The following UBE2K variants were observed in gnomAD, a reference collection of about 807,000 sequenced individuals.
UBE2K encodes ubiquitin conjugating enzyme E2 K.
UBE2K carries 6 observed loss-of-function variants against 30.0 expected under a neutral mutation model. That is an observed-to-expected ratio of 0.20 (90% confidence interval 0.11 to 0.39). UBE2K has a LOEUF of 0.39. Among genes scored for constraint, UBE2K ranks in the 10% least tolerant of loss-of-function variants. The probability of loss-of-function intolerance (pLI) is 1.00; values close to 1 mark genes in which losing one functional copy is unlikely to be tolerated. For missense variants in UBE2K, 61 were observed against 241.6 expected (o/e 0.25, Z 4.96); for synonymous variants, 86 against 83.7 (o/e 1.03, Z -0.15).
At position 39,742,184 on chromosome 4, in the gene UBE2K, G is replaced by GA. The variant is rs199982736; in HGVS notation, c.158-3558dup. 2.8e-3 allele frequency among the ~76,000 whole-genome samples: 414 copies of GA among 148,896 alleles called. 5 individuals carry two copies. The highest frequency in any genetic ancestry group is 0.01 in the Middle Eastern group (3 of 288). ...GATGGTTTAATCTGGAGTTTAATCA[G>GA]AAAAAAAAAATTCTTAGGAAGGAAA... On this transcript the variant is annotated intron_variant, in intron 2 of 6. Coordinates refer to ENST00000261427, the MANE Select transcript of UBE2K (RefSeq NM_005339.5).
chr4:39,705,600 C>CAA (rs1270202009), intron 1 of UBE2K, among the ~76,000 whole-genome samples: 1 of 152,022 alleles, frequency 6.6e-6, no homozygotes, highest in Non-Finnish European at 1.5e-5. Flanking sequence ...ACAGGGCAGA[C>CAA]AAAGGATAGA....
rs548232601 is a variant in UBE2K, at chr4:39,782,703, A to T, written c.*4269A>T. 57 of 152,326 alleles carry T rather than the reference A, an allele frequency of 3.7e-4. No individual in the cohort carries two copies. The highest frequency in any genetic ancestry group is 1.0e-3 in the African/African-American group (42 of 41,564). 9.4% of individuals were successfully genotyped at this position (152,326 alleles called of 1,614,324 possible). On this transcript the variant is annotated 3_prime_UTR_variant, in exon 7 of 7. Coordinates refer to ENST00000261427, the MANE Select transcript of UBE2K (RefSeq NM_005339.5). ...CACTTTTGTACACAACTGATTTTTT[A>T]AAAAATAAACACATTTTTAAAGATG...
intron 1 of UBE2K, among the ~76,000 whole-genome samples, chr4:39,718,822 A>G (rs917270229): frequency 1.3e-5 from 2 of 152,206 alleles, no homozygotes; most frequent in African/African-American, 4.8e-5. Flanking sequence ...GCCCACGCCC[A>G]CCTGGAAATC....
intron 1 of UBE2K, among the ~76,000 whole-genome samples, chr4:39,699,398 C>T (rs911675987): frequency 1.3e-5 from 2 of 152,154 alleles, no homozygotes; most frequent in Non-Finnish European, 2.9e-5. Context: ...TTTATCACGA[C>T]TTAACAGATT....
chr4:39,760,905 A>G (rs1711897659), intron 4 of UBE2K: 1 of 152,224 alleles, frequency 6.6e-6, no homozygotes, highest in African/African-American at 2.4e-5. Context: ...ATTTTTATCC[A>G]GGCGGTGGTT....
intron 1 of UBE2K, among the ~76,000 whole-genome samples, chr4:39,700,069 A>G (rs1717922231): frequency 6.6e-6 from 1 of 152,164 alleles, no homozygotes; most frequent in Admixed American, 6.5e-5. Context: ...ATAAGGTTGT[A>G]CAAGCCTGAA....
intron 1 of UBE2K, among the ~76,000 whole-genome samples, chr4:39,707,508 T>C (rs1454175940): frequency 6.7e-6 from 1 of 149,856 alleles, no homozygotes; most frequent in East Asian, 2.0e-4. Context: ...CCTGTATGAC[T>C]GTATGAGGGA....
intron 1 of UBE2K, among the ~76,000 whole-genome samples, chr4:39,713,556 T>TA (rs55869843): frequency 1.3e-5 from 2 of 151,788 alleles, no homozygotes; most frequent in African/African-American, 2.4e-5. Context: ...TGCTTTTTTT[T>TA]AAGTTGTAGT....
chr4:39,746,895 G>A (rs994758120), intron 3 of UBE2K, among the ~76,000 whole-genome samples: 1 of 152,148 alleles, frequency 6.6e-6, no homozygotes. Context: ...TCCAACTCAT[G>A]TATTATTTTG....
chr4:39,718,308 C>G (rs1719219083), intron 1 of UBE2K, among the ~76,000 whole-genome samples: 3 of 152,266 alleles, frequency 2.0e-5, no homozygotes, highest in African/African-American at 7.2e-5. Flanking sequence ...ATTTACAAAC[C>G]CTGAGCTAGA....
At chr4:39,698,689 C>T (rs1717837274) in intron 1 of UBE2K, among the ~76,000 whole-genome samples, 1 of 152,006 alleles carries the variant, frequency 6.6e-6, no homozygotes, top group Non-Finnish European at 1.5e-5. Flanking sequence ...AGGCGGTGGC[C>T]GCAGCTGGAA....
chr4:39,774,146 AAC>A (rs1285319094), intron 4 of UBE2K, among the ~76,000 whole-genome samples: 2 of 149,682 alleles, frequency 1.3e-5, no homozygotes, highest in East Asian at 4.0e-4. Context: ...AAAAAGGAAA[AAC>A]AAAAAAAATG....
Position 39,709,737 on chromosome 4 carries a change from C to T in UBE2K, c.63+11347C>T, listed in dbSNP as rs539801509. Among the ~76,000 whole-genome samples, 4 of 152,100 alleles carry T rather than the reference C, an allele frequency of 2.6e-5. No individual in the cohort carries two copies. The South Asian group carries it at 8.3e-4, about 32-fold the overall frequency. The stretch of plus-strand genomic sequence containing the variant: ...GTTCTCCAGATGTGATTTATTTAAT[C>T]TTTCTTTAGGAGACAGTTATAAATC... On this transcript the variant is annotated intron_variant, in intron 1 of 6. Coordinates refer to ENST00000261427, the MANE Select transcript of UBE2K (RefSeq NM_005339.5).
intron 1 of UBE2K, among the ~76,000 whole-genome samples, chr4:39,705,840 C>T (rs1718326306): frequency 6.7e-6 from 1 of 148,728 alleles, no homozygotes; most frequent in African/African-American, 2.5e-5. Flanking sequence ...CAGGCATGCG[C>T]CACCACGCCC....
At chr4:39,704,192 G>T (rs1718201666) in intron 1 of UBE2K, among the ~76,000 whole-genome samples, 1 of 152,006 alleles carries the variant, frequency 6.6e-6, no homozygotes, top group Admixed American at 6.6e-5. Context: ...GGAGGTCGAG[G>T]CTGCAGTGAG....
intron 1 of UBE2K, among the ~76,000 whole-genome samples, chr4:39,724,852 TA>T (rs760315705): frequency 2.4e-4 from 36 of 152,172 alleles, no homozygotes; most frequent in Non-Finnish European, 4.3e-4. Context: ...GCATTACGTT[TA>T]TCTGACTTAG....
intron 1 of UBE2K, among the ~76,000 whole-genome samples, chr4:39,718,583 A>G (rs1719239470): frequency 2.0e-5 from 3 of 152,228 alleles, no homozygotes; most frequent in Admixed American, 6.5e-5. Flanking sequence ...CAGGCCACGC[A>G]GGAGCCCACG....
In UBE2K at chr4:39,714,517, C is replaced by CATCTATATATAT. The variant is rs1553874880; in HGVS notation, c.63+16129_63+16130insCTATATATATAT. The CATCTATATATAT allele has an allele frequency of 1.4e-3, 58 of 41,636 alleles. 11 individuals are homozygous for CATCTATATATAT. Among genetic ancestry groups the CATCTATATATAT allele is most frequent in the African/African-American group, 5.8e-3 (44 of 7,530 alleles). 2.6% of individuals were successfully genotyped at this position (41,636 alleles called of 1,614,324 possible). ...TGTCCTCCTTGTCTTTTAGAAGTTT[C>CATCTATATATAT]ATATATATATATATATATATATATA... On this transcript the variant is annotated intron_variant, in intron 1 of 6. Coordinates refer to ENST00000261427, the MANE Select transcript of UBE2K (RefSeq NM_005339.5).
rs574884691 is a variant in UBE2K, at chr4:39,715,161, G to A, written c.63+16771G>A. Among the ~76,000 whole-genome samples the A allele has an allele frequency of 1.8e-4, 27 of 151,836 alleles. 1 individual carries two copies. The highest frequency in any genetic ancestry group is 1.8e-3 in the Admixed American group (27 of 15,234). ...CTGCCTCAGCCTCCCGAGTAGCTGGGACTACAGGCGCCCGCCACCACGCCC... is the reference window on the plus strand; with the variant it reads ...CTGCCTCAGCCTCCCGAGTAGCTGGAACTACAGGCGCCCGCCACCACGCCC... On this transcript the variant is annotated intron_variant, in intron 1 of 6. Transcript: ENST00000261427.
Sources: gnomAD v4.1 joint callset for allele counts (sites outside exome capture counted in the v4.1 genomes callset) on GRCh38, gnomAD v4.1.1 for gene constraint, MANE v1.5 for transcripts, NCBI Gene and HGNC (gene_info 2026-07-23, HGNC 2026-07-21) for gene names.